Variants in ERC2 observed in about 807,000 individuals in gnomAD.
The protein encoded by ERC2 is ELKS/RAB6-interacting/CAST family member 2.
A neutral mutation model predicts 114.8 loss-of-function variants in ERC2; 42 were observed. The observed-to-expected ratio is 0.37, with a 90% CI of 0.29 to 0.47. The LOEUF (loss-of-function observed/expected upper bound fraction) is 0.47, where lower values mean the gene tolerates loss of function less well. ERC2 is among the 20% of genes least tolerant of loss of function. The pLI, the probability that ERC2 is intolerant of heterozygous loss-of-function variation, is 0.99. For missense variants in ERC2, 939 were observed against 1,150.7 expected, an observed-to-expected ratio of 0.82 and a Z score of 2.66; for synonymous variants, 454 against 425.5, an observed-to-expected ratio of 1.07 and a Z score of -0.82.
chr3:56,192,198 G>A (rs901854904), intron 3 of ERC2, among the ~76,000 whole-genome samples: 1 of 152,130 alleles, frequency 6.6e-6, no homozygotes, highest in African/African-American at 2.4e-5. Context: ...ATCTCTGGGA[G>A]GGTTGGGCAG....
At chr3:56,378,355 G>A (rs1366079240) in intron 2 of ERC2, among the ~76,000 whole-genome samples, 2 of 140,834 alleles carry the variant, frequency 1.4e-5, no homozygotes, top group African/African-American at 5.4e-5. Context: ...CTCACTCATA[G>A]GTGGGAATTG....
intron 7 of ERC2, among the ~76,000 whole-genome samples, 170 bp downstream of exon 7, chr3:56,080,647 G>A (rs1219876581): frequency 2.0e-5 from 3 of 152,076 alleles, no homozygotes; most frequent in African/African-American, 4.8e-5. Flanking sequence ...ATCAAGCAAC[G>A]CTAATATTGA....
chr3:55,738,101 G>A (rs185294496), intron 14 of ERC2, among the ~76,000 whole-genome samples: 1 of 152,260 alleles, frequency 6.6e-6, no homozygotes, highest in African/African-American at 2.4e-5. Context: ...GAGCAATAAA[G>A]TCCTTTATCT....
intron 17 of ERC2, among the ~76,000 whole-genome samples, chr3:55,680,622 G>A (rs1185081825): frequency 1.3e-5 from 2 of 152,226 alleles, no homozygotes; most frequent in African/African-American, 4.8e-5. Flanking sequence ...ACAATTGAAA[G>A]TATGTGTGAG....
chr3:55,513,438 C>A (rs1389337020), intron 17 of ERC2, among the ~76,000 whole-genome samples: 1 of 152,134 alleles, frequency 6.6e-6, no homozygotes, highest in African/African-American at 2.4e-5. Flanking sequence ...TGATTTACAC[C>A]AGCTCTTTAT....
At chr3:56,057,677 C>T (rs2076074760) in intron 7 of ERC2, among the ~76,000 whole-genome samples, 1 of 152,194 alleles carries the variant, frequency 6.6e-6, no homozygotes, top group Admixed American at 6.5e-5. Flanking sequence ...TTGTATTTCA[C>T]ATGTATTGAT....
intron 17 of ERC2, among the ~76,000 whole-genome samples, chr3:55,569,194 A>G (rs925584492): frequency 2.0e-5 from 3 of 152,230 alleles, no homozygotes; most frequent in African/African-American, 7.2e-5. Context: ...AAGAATGCTT[A>G]TCTATAAGAA....
At chr3:55,943,358 G>T (rs1420737032) in intron 13 of ERC2, among the ~76,000 whole-genome samples, 2 of 152,132 alleles carry the variant, frequency 1.3e-5, no homozygotes, top group African/African-American at 4.8e-5. Flanking sequence ...AAATAGAATA[G>T]AAGAAGATAT....
At chr3:55,827,978 G>A (rs1029612347) in intron 14 of ERC2, among the ~76,000 whole-genome samples, 2 of 152,188 alleles carry the variant, frequency 1.3e-5, no homozygotes, top group African/African-American at 2.4e-5. Context: ...TCGCCACTGC[G>A]GCCAAGCCGA....
At chr3:56,012,296 A>G (rs2073005862) in intron 8 of ERC2, among the ~76,000 whole-genome samples, 1 of 152,158 alleles carries the variant, frequency 6.6e-6, no homozygotes, top group Admixed American at 6.6e-5. Flanking sequence ...TTGGAGCGAC[A>G]TTTCTAAAGC....
chr3:56,315,444 G>A (rs1026284581), intron 2 of ERC2, among the ~76,000 whole-genome samples: 8 of 152,104 alleles, frequency 5.3e-5, no homozygotes, highest in Non-Finnish European at 1.2e-4. Flanking sequence ...TGAGAAATAA[G>A]ATCTCTTGAT....
At chr3:55,771,235 T>C (rs962072850) in intron 14 of ERC2, among the ~76,000 whole-genome samples, 2 of 152,242 alleles carry the variant, frequency 1.3e-5, no homozygotes, top group Non-Finnish European at 2.9e-5. Flanking sequence ...TCTTCCACAA[T>C]GGTTGAACTC....
chr3:56,096,811 C>CCTT (rs2078091390), intron 6 of ERC2, among the ~76,000 whole-genome samples: 1 of 152,162 alleles, frequency 6.6e-6, no homozygotes, highest in African/African-American at 2.4e-5. Flanking sequence ...GTAAATAACA[C>CCTT]CTTCCCTCTA....
chr3:56,200,359 A>C (rs2048343154), intron 3 of ERC2, among the ~76,000 whole-genome samples: 1 of 151,696 alleles, frequency 6.6e-6, no homozygotes, highest in Admixed American at 6.6e-5. Context: ...AAAAAAAAAA[A>C]AAAACTACCT....
At chr3:56,212,116 G>A (rs1205698898) in intron 3 of ERC2, among the ~76,000 whole-genome samples, 1 of 152,052 alleles carries the variant, frequency 6.6e-6, no homozygotes, top group African/African-American at 2.4e-5. Context: ...AAACTAAAAA[G>A]CTTCTGTACA....
intron 7 of ERC2, among the ~76,000 whole-genome samples, chr3:56,067,712 C>T (rs186831505): frequency 7.5e-4 from 114 of 152,204 alleles, no homozygotes; most frequent in Non-Finnish European, 1.3e-3. Context: ...GAGATATGTT[C>T]CACCAATACG....
At chr3:55,760,520 A>G (rs960365798) in intron 14 of ERC2, among the ~76,000 whole-genome samples, 1 of 152,242 alleles carries the variant, frequency 6.6e-6, no homozygotes, top group Non-Finnish European at 1.5e-5. Context: ...TTAATGCATT[A>G]TTAAAGAATT....
chr3:55,896,348 A>T (rs2063840911), intron 13 of ERC2, among the ~76,000 whole-genome samples: 1 of 152,350 alleles, frequency 6.6e-6, no homozygotes, highest in East Asian at 1.9e-4. Context: ...AAGCAAGTGG[A>T]GTAGCCTGGG....
intron 7 of ERC2, among the ~76,000 whole-genome samples, chr3:56,028,966 A>G (rs1336569045): frequency 6.6e-6 from 1 of 152,106 alleles, no homozygotes; most frequent in Non-Finnish European, 1.5e-5. Flanking sequence ...TATCAAGCTG[A>G]GATAGCTCTC....
Sources: gnomAD v4.1 joint callset for allele counts (sites outside exome capture counted in the v4.1 genomes callset) on GRCh38, gnomAD v4.1.1 for gene constraint, MANE v1.5 for transcripts, NCBI Gene and HGNC (gene_info 2026-07-23, HGNC 2026-07-21) for gene names.